The following GPX3 variants were observed in gnomAD, a reference collection of about 807,000 sequenced individuals.
GPX3 encodes GPx-3.
GPX3 carries 22 observed loss-of-function variants against 25.1 expected under a neutral mutation model. The ratio of observed to expected loss-of-function variants is 0.88; its 90% confidence interval spans 0.63 to 1.25. The LOEUF (loss-of-function observed/expected upper bound fraction) is 1.25. Ranked by LOEUF, GPX3 falls within the 50% of genes most tolerant of loss-of-function variation. The pLI, the probability that GPX3 is intolerant of heterozygous loss-of-function variation, is 0.00. For synonymous variants in GPX3, 110 were observed against 114.5 expected (o/e 0.96, Z 0.25); for missense variants, 278 against 286.6 (o/e 0.97, Z 0.22).
At chr5:151,020,789 C>A (rs772309876) in intron 1 of GPX3, 48 bp downstream of exon 1, 2 of 1,520,898 alleles carry the variant, frequency 1.3e-6, no homozygotes, top group Non-Finnish European at 1.8e-6. Context: ...CCTAGCCCCT[C>A]GGTGTCCAGC....
chr5:151,025,826 G>C (rs8177437), intron 2 of GPX3, among the ~76,000 whole-genome samples: 12,659 of 152,252 alleles, frequency 0.083, 998 homozygotes, highest in East Asian at 0.41. Context: ...ATCTTGCTGA[G>C]AATATCTTAT....
At chr5:151,027,080 C>T in intron 3 of GPX3, 63 bp downstream of exon 3, 1 of 1,077,942 alleles carries the variant, frequency 9.3e-7, no homozygotes, top group Middle Eastern at 2.0e-4. Context: ...TGTTATCAAC[C>T]CCAAATCATG....
At chr5:151,024,587 T>C (rs1756520630) in intron 1 of GPX3, among the ~76,000 whole-genome samples, 1 of 152,194 alleles carries the variant, frequency 6.6e-6, no homozygotes, top group South Asian at 2.1e-4. Context: ...ACTCTGTCCC[T>C]CCTTGTCCTG....
chr5:151,026,771 G>A, intron 2 of GPX3, 129 bp from the exon 3 acceptor site: 2 of 681,194 alleles, frequency 2.9e-6, no homozygotes, highest in South Asian at 3.5e-5. Context: ...TGGTGATCCT[G>A]CGCAAGTCCC....
rs1300115803 is a variant in GPX3, at chr5:151,028,433, T to C, written c.*303T>C. On this transcript the variant is annotated 3_prime_UTR_variant, in exon 5 of 5. Coordinates refer to ENST00000388825, the MANE Select transcript of GPX3 (RefSeq NM_002084.5). The stretch of plus-strand genomic sequence containing the variant: ...TGTACCATCTGTGTGCCTGCAGCTG[T>C]GTAGTGCTGGACAGTGACAACCCTT... 2 of 417,446 alleles carry C rather than the reference T, an allele frequency of 4.8e-6. No individual in the cohort carries two copies. Among genetic ancestry groups the C allele is most frequent in the Non-Finnish European group, 9.1e-6 (2 of 220,940 alleles). 25.9% of individuals were successfully genotyped at this position (417,446 alleles called of 1,614,324 possible).
chr5:151,025,473 G>T lies in GPX3; in HGVS notation c.221G>T (p.Gly74Val). 1 of 1,610,606 alleles carries T rather than the reference G, an allele frequency of 6.2e-7. No individual in the cohort carries two copies. The highest frequency in any genetic ancestry group is 8.5e-7 in the Non-Finnish European group (1 of 1,178,552). ...TTTGTCAACGTGGCCAGCTACTGAG[G>T]CCTGACGGGCCAGTACATTGGTAAG... ...VLFVNVASYU[G>V]LTGQYIELNA... is the part of the protein sequence containing the mutation. Residue 74 changes from glycine to valine, a missense_variant, in exon 2 of 5, where the codon GGC (glycine) becomes GTC (valine). Gly to Val is a moderately radical substitution (Grantham distance 109). Coordinates refer to ENST00000388825, the MANE Select transcript of GPX3 (RefSeq NM_002084.5).
Position 151,028,093 on chromosome 5 carries a change from T to G in GPX3, c.644T>G (p.Met215Arg). 1.9e-6 allele frequency: 3 copies of G among 1,599,674 alleles called. No homozygotes were observed. Among genetic ancestry groups the G allele is most frequent in the South Asian group, 2.2e-5 (2 of 89,440 alleles). ...GTCAAGATGGACATCCTGTCCTACA[T>G]GAGGCGGCAGGCAGCCCTGGGGGTC... The part of the protein sequence containing the change: ...SNVKMDILSY[M>R]RRQAALGVKR... Residue 215 changes from methionine (M) to arginine (R), a missense_variant, in exon 5 of 5, where the codon ATG becomes AGG. Met to Arg is a moderately conservative substitution (Grantham distance 91). Transcript: ENST00000388825.
In GPX3 at chr5:151,027,510, G is replaced by A; in HGVS notation, c.438G>A (p.Gln146=). The A allele has an allele frequency of 6.2e-7, 1 of 1,611,836 alleles. No homozygotes were observed. The highest frequency in any genetic ancestry group is 8.5e-7 in the Non-Finnish European group (1 of 1,177,850). ...GGGATGTCAATGGAGAGAAAGAGCA[G>A]AAATTCTACACTTTCCTAAAGGTAA... is the stretch of plus-strand genomic sequence containing the variant. ...EKGDVNGEKE[Q]KFYTFLKNSC... Residue 146 remains glutamine, a synonymous_variant, in exon 4 of 5, where the codon CAG becomes CAA. Transcript: ENST00000388825.
rs748648039 is a variant in GPX3, at chr5:151,028,274, C to A, written c.*144C>A. The A allele has an allele frequency of 4.2e-6, 3 of 720,830 alleles. No individual in the cohort carries two copies. Among genetic ancestry groups the A allele is most frequent in the Non-Finnish European group, 7.1e-6 (3 of 422,382 alleles). 44.7% of individuals were successfully genotyped at this position (720,830 alleles called of 1,614,324 possible). A position where few individuals can be genotyped will look rare whatever the true frequency, so the allele number is the denominator to read the frequency against. On this transcript the variant is annotated 3_prime_UTR_variant, in exon 5 of 5. Coordinates refer to ENST00000388825, the MANE Select transcript of GPX3 (RefSeq NM_002084.5). ...CCAGCCTGGCACAAATGGATGCATA[C>A]AGTTCTGTGTACTGCCAGGCATGTG...
At chr5:151,022,658 C>A (rs372695399) in intron 1 of GPX3, among the ~76,000 whole-genome samples, 2 of 152,168 alleles carry the variant, frequency 1.3e-5, no homozygotes, top group African/African-American at 4.8e-5. Context: ...GGGAAGAGAC[C>A]AGGTCCTCCT....
chr5:151,021,041 G>A (rs1756467976), intron 1 of GPX3: 3 of 410,106 alleles, frequency 7.3e-6, no homozygotes, highest in South Asian at 7.3e-5. Context: ...CACCTCGAGG[G>A]TCGCCTTGCT....
rs764034885 is a variant in GPX3 at position 151,025,412 on chromosome 5, AT to A, written c.161del (p.Ile54ThrfsTer22). On this transcript the variant is annotated frameshift_variant, in exon 2 of 5. Coordinates refer to ENST00000388825, the MANE Select transcript of GPX3 (RefSeq NM_002084.5). LOFTEE classifies it high-confidence loss of function. ...CCTCACCATTGATGGGGAGGAGTAC[AT>A]CCCCTTCAAGCAGTATGCTGGCAAA... ...GALTIDGEEY[I>X]PFKQYAGKYV... 6.2e-7 allele frequency: 1 copy of A among 1,612,382 alleles called. No individual in the cohort carries two copies. Among genetic ancestry groups the A allele is most frequent in the South Asian group, 1.1e-5 (1 of 90,916 alleles).
chr5:151,025,079 A>G (rs1017804861), intron 1 of GPX3, among the ~76,000 whole-genome samples: 2 of 152,190 alleles, frequency 1.3e-5, no homozygotes, highest in Non-Finnish European at 2.9e-5. Context: ...CTTAATATTA[A>G]TAAGTGCTTA....
chr5:151,020,919 T>C lies in GPX3; in HGVS notation c.87+178T>C, dbSNP rs1410678388. On this transcript the variant is annotated intron_variant, in intron 1 of 4. Coordinates refer to ENST00000388825, the MANE Select transcript of GPX3 (RefSeq NM_002084.5). ...GCCGCCGGGACCCCGCCCCCGACCG[T>C]CGTCGTCTCGTAGTTCCATCTGTTG... The C allele has an allele frequency of 5.8e-6, 4 of 692,040 alleles. No individual in the cohort carries two copies. The South Asian group carries it at 6.2e-5, about 11-fold the overall frequency. The allele number at this position is 692,040 out of a possible 1,614,324, so 42.9% of individuals were successfully genotyped here.
intron 1 of GPX3, among the ~76,000 whole-genome samples, chr5:151,023,910 G>A (rs889022483): frequency 2.6e-5 from 4 of 152,210 alleles, no homozygotes; most frequent in Admixed American, 1.3e-4. Flanking sequence ...CCTGGCGGAG[G>A]AAGCGCAGCC....
At position 151,024,329 on chromosome 5, in the gene GPX3, C is replaced by T. The variant is rs8177430; in HGVS notation, c.88-1011C>T. On this transcript the variant is annotated intron_variant, in intron 1 of 4. Transcript: ENST00000388825. Reference sequence around the variant, plus strand: ...TCTCAGAATTTTGTTGTCTGTGTCACGGGCAGAGTAGGCTCATAGGCCACA... The same window carrying T: ...TCTCAGAATTTTGTTGTCTGTGTCATGGGCAGAGTAGGCTCATAGGCCACA... Among the ~76,000 whole-genome samples, 897 of 152,312 alleles carry T rather than the reference C, an allele frequency of 5.9e-3. 6 individuals carry two copies. The highest frequency in any genetic ancestry group is 0.031 in the South Asian group (151 of 4,832).
At chr5:151,026,853 G>C (rs1351820087) in intron 2 of GPX3, 47 bp from the exon 3 acceptor site, 14 of 1,386,532 alleles carry the variant, frequency 1.0e-5, no homozygotes, top group Admixed American at 7.0e-5. Context: ...ATGAGACAGG[G>C]CTCCTCGCCA....
intron 2 of GPX3, 145 bp from the exon 3 acceptor site, chr5:151,026,749 CTGTGAA>C: frequency 4.7e-6 from 3 of 643,594 alleles, no homozygotes; most frequent in Non-Finnish European, 8.4e-6. Flanking sequence ...CCCAGCATTG[CTGTGAA>C]CTCACTGGTG....
In GPX3 at chr5:151,020,756, G is replaced by C. The variant is rs754663470; in HGVS notation, c.87+15G>C. 2.5e-6 allele frequency: 4 copies of C among 1,606,114 alleles called. No homozygotes were observed. The highest frequency in any genetic ancestry group is 1.1e-5 in the South Asian group (1 of 90,126). ...AGAAGTCGAAGGTGAGTGAGCCTCC[G>C]GGCCGGGGGCCGGGAGAAAAAACCT... On this transcript the variant is annotated intron_variant, in intron 1 of 4. Transcript: ENST00000388825.
Sources: allele counts gnomAD v4.1 joint callset (sites outside exome capture counted in the v4.1 genomes callset), GRCh38; gene constraint gnomAD v4.1.1; transcripts MANE v1.5; gene names NCBI Gene and HGNC (gene_info 2026-07-23, HGNC 2026-07-21).